Variants in SLC25A21 observed in about 807,000 individuals in gnomAD.
SLC25A21 encodes the protein mitochondrial 2-oxodicarboxylate carrier.
SLC25A21 carries 47 observed loss-of-function variants against 43.8 expected under a neutral mutation model. The ratio of observed to expected loss-of-function variants is 1.07; its 90% CI spans 0.85 to 1.37. The LOEUF (loss-of-function observed/expected upper bound fraction) is 1.37. SLC25A21 is among the 40% of genes most tolerant of loss of function. The probability of loss-of-function intolerance (pLI) is 0.00; values close to 1 mark genes in which losing one functional copy is unlikely to be tolerated. For missense variants in SLC25A21, 352 were observed against 350.2 expected (o/e 1.00, Z -0.04); for synonymous variants, 131 against 121.3 (o/e 1.08, Z -0.52).
At chr14:36,729,600 C>T (rs1459916624) in intron 4 of SLC25A21, 34 bp from the exon 5 acceptor site, 2 of 1,571,628 alleles carry the variant, frequency 1.3e-6, no homozygotes, top group African/African-American at 1.4e-5. Context: ...AGATTTATAA[C>T]AATTTTCCTG....
At chr14:37,020,563 C>A (rs60776383) in intron 1 of SLC25A21, among the ~76,000 whole-genome samples, 9,562 of 151,498 alleles carry the variant, frequency 0.063, 1,015 homozygotes, top group African/African-American at 0.22. Context: ...TTTGTTTGTA[C>A]TATGTAAAAT....
chr14:36,955,997 A>C (rs964499681), intron 1 of SLC25A21, among the ~76,000 whole-genome samples: 4 of 152,178 alleles, frequency 2.6e-5, no homozygotes, highest in African/African-American at 9.7e-5. Flanking sequence ...ATCACTGTAC[A>C]TTAATGTTCT....
intron 1 of SLC25A21, among the ~76,000 whole-genome samples, chr14:36,908,204 C>T (rs775055770): frequency 3.3e-5 from 5 of 152,078 alleles, no homozygotes; most frequent in Non-Finnish European, 7.4e-5. Flanking sequence ...CAAAAGTGAA[C>T]CCTAATGTAA....
intron 1 of SLC25A21, among the ~76,000 whole-genome samples, chr14:37,041,542 C>T (rs79369415): frequency 0.043 from 6,489 of 152,204 alleles, 461 homozygotes; most frequent in African/African-American, 0.15. Flanking sequence ...CTGGGCATGA[C>T]TTATCAGCAG....
At chr14:36,982,601 G>A (rs1256046975) in intron 1 of SLC25A21, among the ~76,000 whole-genome samples, 1 of 152,022 alleles carries the variant, frequency 6.6e-6, no homozygotes, top group Non-Finnish European at 1.5e-5. Flanking sequence ...GATTGCTTGA[G>A]CTCAGGAGTT....
intron 2 of SLC25A21, among the ~76,000 whole-genome samples, chr14:36,826,591 T>C (rs1888840951): frequency 6.6e-6 from 1 of 152,204 alleles, no homozygotes; most frequent in African/African-American, 2.4e-5. Flanking sequence ...TGGCTCTTCG[T>C]GAGGGCCTGA....
chr14:37,016,582 AGT>A lies in SLC25A21; in HGVS notation c.71-141580_71-141579del, dbSNP rs1018345230. 1.6e-3 allele frequency among the ~76,000 whole-genome samples: 243 copies of A among 152,160 alleles called. 1 individual carries two copies. Among genetic ancestry groups the A allele is most frequent in the Admixed American group, 0.012 (187 of 15,258 alleles). ...GGGCCTTAGGATTTTCAAAATAATC[AGT>A]GAGCACTGGCCTCAACTCACCAATT... On this transcript the variant is annotated intron_variant, in intron 1 of 9. Coordinates refer to ENST00000331299, the MANE Select transcript of SLC25A21 (RefSeq NM_030631.4).
At chr14:36,919,106 T>C (rs1236391573) in intron 1 of SLC25A21, among the ~76,000 whole-genome samples, 2 of 151,994 alleles carry the variant, frequency 1.3e-5, no homozygotes, top group African/African-American at 4.8e-5. Context: ...AATGAATGAA[T>C]GAATGAATGG....
intron 1 of SLC25A21, among the ~76,000 whole-genome samples, chr14:37,104,543 T>G (rs576501494): frequency 4.1e-4 from 62 of 152,316 alleles, no homozygotes; most frequent in African/African-American, 1.4e-3. Flanking sequence ...CTAATCAACA[T>G]AATACGAAAA....
At chr14:36,849,332 T>C (rs918796207) in intron 2 of SLC25A21, among the ~76,000 whole-genome samples, 3 of 152,158 alleles carry the variant, frequency 2.0e-5, no homozygotes, top group African/African-American at 7.2e-5. Flanking sequence ...TATTGAGTAC[T>C]TTTTGGACAG....
chr14:36,832,653 T>C (rs2014331261), intron 2 of SLC25A21, among the ~76,000 whole-genome samples: 2 of 152,192 alleles, frequency 1.3e-5, no homozygotes, highest in Non-Finnish European at 2.9e-5. Flanking sequence ...TATAAACAAA[T>C]GCCAACAGGA....
At chr14:37,010,093 T>C (rs958006774) in intron 1 of SLC25A21, among the ~76,000 whole-genome samples, 1 of 152,204 alleles carries the variant, frequency 6.6e-6, no homozygotes, top group Non-Finnish European at 1.5e-5. Context: ...CTTGATTTCC[T>C]TATCTGAAAA....
chr14:37,080,533 G>A (rs1271383115), intron 1 of SLC25A21, among the ~76,000 whole-genome samples: 1 of 152,194 alleles, frequency 6.6e-6, no homozygotes, highest in African/African-American at 2.4e-5. Flanking sequence ...CCAGGAGGTC[G>A]AGACTGCAGT....
At chr14:37,014,597 T>A (rs1316031454) in intron 1 of SLC25A21, among the ~76,000 whole-genome samples, 1 of 151,752 alleles carries the variant, frequency 6.6e-6, no homozygotes, top group East Asian at 1.9e-4. Flanking sequence ...CTCCTGTCAA[T>A]GTTGATATTT....
intron 1 of SLC25A21, among the ~76,000 whole-genome samples, chr14:37,083,552 G>A (rs942822920): frequency 7.9e-5 from 12 of 152,146 alleles, no homozygotes; most frequent in Admixed American, 3.9e-4. Context: ...GAAAAGATGC[G>A]GAAAGGATAT....
At chr14:37,060,108 G>A (rs1221599916) in intron 1 of SLC25A21, among the ~76,000 whole-genome samples, 1 of 151,752 alleles carries the variant, frequency 6.6e-6, no homozygotes, top group African/African-American at 2.4e-5. Context: ...AGCCCCCAGT[G>A]TGACGGTATT....
intron 1 of SLC25A21, among the ~76,000 whole-genome samples, chr14:36,879,360 A>G (rs1890640772): frequency 6.6e-6 from 1 of 152,238 alleles, no homozygotes; most frequent in Non-Finnish European, 1.5e-5. Context: ...AATTACTATT[A>G]GATTTGTTTA....
intron 2 of SLC25A21, among the ~76,000 whole-genome samples, chr14:36,837,450 T>C (rs1889247172): frequency 1.3e-5 from 2 of 151,972 alleles, no homozygotes. Context: ...TTAGGGTCGC[T>C]TTGCCAATAC....
chr14:36,943,940 T>A (rs1226248296), intron 1 of SLC25A21, among the ~76,000 whole-genome samples: 1 of 152,124 alleles, frequency 6.6e-6, no homozygotes, highest in Non-Finnish European at 1.5e-5. Flanking sequence ...GTAAAAGATG[T>A]TTATATTAAA....
Sources: allele counts gnomAD v4.1 joint callset (sites outside exome capture counted in the v4.1 genomes callset), GRCh38; gene constraint gnomAD v4.1.1; transcripts MANE v1.5; gene names NCBI Gene and HGNC (gene_info 2026-07-23, HGNC 2026-07-21).